Variants in ZNF407 observed in about 807,000 individuals in gnomAD.
ZNF407 encodes zinc finger protein 407.
In ZNF407, 17 loss-of-function variants were observed where a neutral mutation model predicts 131.2. The observed-to-expected ratio is 0.13, with a 90% confidence interval of 0.09 to 0.19. The LOEUF (loss-of-function observed/expected upper bound fraction) is 0.19, where lower values mean the gene tolerates loss of function less well. Ranked by LOEUF, ZNF407 falls within the 10% of genes least tolerant of loss-of-function variation. The probability of loss-of-function intolerance (pLI) is 1.00; values close to 1 mark genes in which losing one functional copy is unlikely to be tolerated. For missense variants in ZNF407, 2,681 were observed against 2,830.6 expected, an observed-to-expected ratio of 0.95 and a Z score of 1.20; for synonymous variants, 1,156 against 1,062.0, an observed-to-expected ratio of 1.09 and a Z score of -1.72.
intron 3 of ZNF407, among the ~76,000 whole-genome samples, chr18:74,757,679 A>C (rs1968994787): frequency 6.6e-6 from 1 of 152,012 alleles, no homozygotes; most frequent in Non-Finnish European, 1.5e-5. Flanking sequence ...TTGTTGTTCA[A>C]ATCTTCCTTT....
At chr18:74,754,749 G>A (rs924616610) in intron 3 of ZNF407, among the ~76,000 whole-genome samples, 2 of 152,196 alleles carry the variant, frequency 1.3e-5, no homozygotes, top group Admixed American at 1.3e-4. Context: ...TACATTTGCT[G>A]AGGAGAGCTT....
chr18:74,607,258 T>C (rs1351411200), intron 1 of ZNF407, among the ~76,000 whole-genome samples: 1 of 152,162 alleles, frequency 6.6e-6, no homozygotes, highest in Non-Finnish European at 1.5e-5. Context: ...TCTGCATTTC[T>C]CACAGGTTCC....
intron 8 of ZNF407, among the ~76,000 whole-genome samples, chr18:75,031,603 T>A (rs1485136899): frequency 6.6e-6 from 1 of 152,244 alleles, no homozygotes; most frequent in Admixed American, 6.5e-5. Context: ...TTTTCAGCAG[T>A]TGGTAATTAT....
At chr18:74,985,073 A>G (rs1474064016) in intron 8 of ZNF407, among the ~76,000 whole-genome samples, 2 of 152,222 alleles carry the variant, frequency 1.3e-5, no homozygotes, top group African/African-American at 4.8e-5. Context: ...GACCGAATGC[A>G]TTGTCGATAT....
At chr18:74,676,372 A>G (rs1986360820) in intron 3 of ZNF407, among the ~76,000 whole-genome samples, 1 of 151,890 alleles carries the variant, frequency 6.6e-6, no homozygotes, top group Non-Finnish European at 1.5e-5. Context: ...GATTATAGGC[A>G]TGAGCCACTG....
chr18:74,639,212 G>A (rs905495157), intron 2 of ZNF407, among the ~76,000 whole-genome samples: 1 of 152,188 alleles, frequency 6.6e-6, no homozygotes, highest in Admixed American at 6.5e-5. Flanking sequence ...GCCACAGGAG[G>A]AGGAGCTAGT....
chr18:74,723,545 G>A (rs746142571), intron 3 of ZNF407, among the ~76,000 whole-genome samples: 1 of 152,166 alleles, frequency 6.6e-6, no homozygotes, highest in African/African-American at 2.4e-5. Context: ...ATTGCCATCT[G>A]CCTTCTCTCT....
chr18:74,869,714 A>G (rs1971061269), intron 4 of ZNF407, among the ~76,000 whole-genome samples: 1 of 152,206 alleles, frequency 6.6e-6, no homozygotes, highest in African/African-American at 2.4e-5. Context: ...AGGCCAGAGT[A>G]GGCCCACTGC....
chr18:74,866,451 T>C (rs1971011552), intron 4 of ZNF407, among the ~76,000 whole-genome samples: 2 of 152,146 alleles, frequency 1.3e-5, no homozygotes, highest in African/African-American at 4.8e-5. Context: ...AATGCCTAAG[T>C]GTGGAAAGCT....
intron 3 of ZNF407, among the ~76,000 whole-genome samples, chr18:74,702,022 A>G (rs1396794149): frequency 6.6e-6 from 1 of 152,170 alleles, no homozygotes. Context: ...TTCAGCTACC[A>G]TTATTATACT....
chr18:75,063,868 C>T lies in ZNF407; in HGVS notation c.6147C>T (p.Ser2049=), dbSNP rs1266730818. The change falls in exon 9 of 9, where the codon AGC becomes AGT. Residue 2049 remains serine, a synonymous_variant. Coordinates refer to ENST00000299687, the MANE Select transcript of ZNF407 (RefSeq NM_017757.3). This position sits in a 1 kb window ranked among gnomAD's most constrained non-coding sequence, Gnocchi z 6.6. ...EIQMFPQAQE[S]PAAVEVLTQV... ...AGATGTTCCCACAGGCCCAGGAGAG[C>T]CCGGCCGCCGTGGAGGTGCTCACCC... 1 of 1,611,584 alleles carries T rather than the reference C, an allele frequency of 6.2e-7. No homozygotes were observed.
chr18:74,622,848 ATGAG>A lies in ZNF407; in HGVS notation c.-53-8116_-53-8113del, dbSNP rs923391661. 4.2e-3 allele frequency among the ~76,000 whole-genome samples: 634 copies of A among 149,338 alleles called. 6 individuals are homozygous for A. Among genetic ancestry groups the A allele is most frequent in the African/African-American group, 0.015 (603 of 39,388 alleles). ...TGAGTACGTGTGAGTGTGTATCTGA[ATGAG>A]TGTGTGGGTGTGCAAATGCATGTGT... On this transcript the variant is annotated intron_variant, in intron 1 of 8. Transcript: ENST00000299687.
chr18:74,953,068 A>C (rs1261586458), intron 8 of ZNF407, among the ~76,000 whole-genome samples: 1 of 152,070 alleles, frequency 6.6e-6, no homozygotes, highest in African/African-American at 2.4e-5. Flanking sequence ...GACGGTGAGC[A>C]AGAGAGGAGC....
At position 75,012,030 on chromosome 18, in the gene ZNF407, G is replaced by T. The variant is rs556604390; in HGVS notation, c.5429-51120G>T. Among the ~76,000 whole-genome samples the T allele has an allele frequency of 2.6e-5, 4 of 152,178 alleles. No individual in the cohort carries two copies. The South Asian group carries it at 8.3e-4, about 32-fold the overall frequency. ...TATTAAAACTCTTCTTTTTAAACCT[G>T]CAAAAACAAGTTTCACCTGGTTATT... On this transcript the variant is annotated intron_variant, in intron 8 of 8. Coordinates refer to ENST00000299687, the MANE Select transcript of ZNF407 (RefSeq NM_017757.3).
intron 4 of ZNF407, among the ~76,000 whole-genome samples, chr18:74,830,451 TTTTG>T (rs1373030539): frequency 6.6e-6 from 1 of 151,998 alleles, no homozygotes; most frequent in Non-Finnish European, 1.5e-5. Flanking sequence ...CCTGGCTAAT[TTTTG>T]TTTGTTTGTT....
At chr18:74,699,880 A>G (rs956730342) in intron 3 of ZNF407, among the ~76,000 whole-genome samples, 1 of 152,154 alleles carries the variant, frequency 6.6e-6, no homozygotes, top group African/African-American at 2.4e-5. Context: ...AATTTGTGAG[A>G]GTTGGTTCTC....
chr18:74,714,414 C>T (rs573617608), intron 3 of ZNF407, among the ~76,000 whole-genome samples: 1 of 152,298 alleles, frequency 6.6e-6, no homozygotes, highest in Admixed American at 6.5e-5. Flanking sequence ...ATATGAAAGA[C>T]ACATTTATGA....
intron 3 of ZNF407, 65 bp downstream of exon 3, chr18:74,641,187 C>G: frequency 7.4e-7 from 1 of 1,353,664 alleles, no homozygotes; most frequent in Middle Eastern, 1.8e-4. Context: ...GCCATTGTTT[C>G]GGAATTCAAA....
At chr18:74,973,349 T>C (rs528793876) in intron 8 of ZNF407, among the ~76,000 whole-genome samples, 3 of 152,314 alleles carry the variant, frequency 2.0e-5, no homozygotes, top group African/African-American at 7.2e-5. Flanking sequence ...AAACATAATT[T>C]AGAGAACTCA....
Sources: allele counts gnomAD v4.1 joint callset (sites outside exome capture counted in the v4.1 genomes callset), GRCh38; gene constraint gnomAD v4.1.1; non-coding constraint Gnocchi (gnomAD v3.1); transcripts MANE v1.5; gene names NCBI Gene and HGNC (gene_info 2026-07-23, HGNC 2026-07-21).